USP12: variants seen among roughly 807,000 people sequenced by gnomAD.
USP12 encodes ubiquitin specific peptidase 12.
In USP12, 19 loss-of-function variants were observed where a neutral mutation model predicts 45.5. The ratio of observed to expected loss-of-function variants is 0.42; its 90% confidence interval spans 0.29 to 0.61. The LOEUF (loss-of-function observed/expected upper bound fraction) is 0.61. Ranked by LOEUF, USP12 falls within the 20% of genes least tolerant of loss-of-function variation. USP12 has a pLI of 0.22. For synonymous variants in USP12, 149 were observed against 148.8 expected (o/e 1.00, Z -0.01); for missense variants, 242 against 447.7 (o/e 0.54, Z 4.15).
intron 1 of USP12, among the ~76,000 whole-genome samples, chr13:27,119,911 G>A (rs193005751): frequency 5.3e-5 from 8 of 152,346 alleles, no homozygotes; most frequent in Admixed American, 5.2e-4. Flanking sequence ...TGCAGGAGAA[G>A]CATGCTTATT....
At chr13:27,072,103 C>CT (rs112073097) in intron 7 of USP12, among the ~76,000 whole-genome samples, 52 of 146,676 alleles carry the variant, frequency 3.5e-4, no homozygotes, top group Admixed American at 1.4e-3. Context: ...AACAAAAATA[C>CT]TTTTTTTTTT....
intron 1 of USP12, among the ~76,000 whole-genome samples, chr13:27,120,796 A>T (rs534124649): frequency 1.7e-4 from 26 of 152,232 alleles, no homozygotes; most frequent in Non-Finnish European, 3.2e-4. Context: ...AGAATTCATC[A>T]TGAAGAAGTA....
At chr13:27,154,417 T>C (rs781751943) in intron 1 of USP12, among the ~76,000 whole-genome samples, 1 of 152,222 alleles carries the variant, frequency 6.6e-6, no homozygotes, top group Non-Finnish European at 1.5e-5. Context: ...ACTGCATCTT[T>C]ACTTTTCTCC....
intron 1 of USP12, among the ~76,000 whole-genome samples, chr13:27,166,342 C>G (rs1046799753): frequency 2.0e-5 from 3 of 152,150 alleles, no homozygotes; most frequent in African/African-American, 4.8e-5. Flanking sequence ...TTAAAAGATA[C>G]TTCCTGAGAC....
chr13:27,077,661 A>G (rs1593171645), intron 6 of USP12: 2 of 152,252 alleles, frequency 1.3e-5, no homozygotes, highest in Admixed American at 1.3e-4. Context: ...AGACTAGCTT[A>G]CAAAATTTCC....
At chr13:27,099,226 G>C (rs769528413) in intron 3 of USP12, among the ~76,000 whole-genome samples, 1 of 152,146 alleles carries the variant, frequency 6.6e-6, no homozygotes, top group African/African-American at 2.4e-5. Context: ...GAAACTTCTA[G>C]GTTTGTTTGG....
At chr13:27,092,133 T>G (rs760688929) in intron 4 of USP12, among the ~76,000 whole-genome samples, 3 of 152,130 alleles carry the variant, frequency 2.0e-5, no homozygotes, top group Non-Finnish European at 4.4e-5. Context: ...CCCCCCAAAA[T>G]GAATACTTAA....
Position 27,145,752 on chromosome 13 carries a change from T to C in USP12, c.48+25840A>G, listed in dbSNP as rs150427028. On this transcript the variant is annotated intron_variant, in intron 1 of 8. Transcript: ENST00000282344. ...TTATCAACAAAAGTCTGTAACTCTA[T>C]ACCACAAAATTTTGTTATCAATAGA... Among the ~76,000 whole-genome samples the C allele has an allele frequency of 1.3e-4, 20 of 152,228 alleles. No homozygotes were observed. The East Asian group carries it at 3.9e-3, about 29-fold the overall frequency.
At chr13:27,100,219 C>T (rs116919580) in intron 3 of USP12, among the ~76,000 whole-genome samples, 34 of 152,258 alleles carry the variant, frequency 2.2e-4, no homozygotes, top group Non-Finnish European at 4.4e-4. Flanking sequence ...AATAATCCTC[C>T]GTCCCTGAAA....
chr13:27,143,514 A>C (rs1442787337), intron 1 of USP12, among the ~76,000 whole-genome samples: 1 of 152,242 alleles, frequency 6.6e-6, no homozygotes, highest in Non-Finnish European at 1.5e-5. Flanking sequence ...AATAACTGTA[A>C]GTGCCCTAAT....
At chr13:27,137,992 TA>T (rs1876886021) in intron 1 of USP12, among the ~76,000 whole-genome samples, 1 of 152,208 alleles carries the variant, frequency 6.6e-6, no homozygotes, top group Non-Finnish European at 1.5e-5. Context: ...CACTTAGTCT[TA>T]ACAGCTGCAA....
chr13:27,123,287 A>C (rs1019589859), intron 1 of USP12, among the ~76,000 whole-genome samples: 3 of 152,192 alleles, frequency 2.0e-5, no homozygotes, highest in Non-Finnish European at 4.4e-5. Flanking sequence ...CAGTTTCCTC[A>C]GATGTAAAAC....
At chr13:27,134,162 T>C (rs1194250508) in intron 1 of USP12, among the ~76,000 whole-genome samples, 1 of 152,126 alleles carries the variant, frequency 6.6e-6, no homozygotes, top group Non-Finnish European at 1.5e-5. Flanking sequence ...GTTTAATTAG[T>C]CACACATTAT....
intron 3 of USP12, among the ~76,000 whole-genome samples, chr13:27,096,541 T>C (rs1565988042): frequency 1.3e-5 from 2 of 152,176 alleles, no homozygotes; most frequent in East Asian, 1.9e-4. Context: ...AACTCTACCA[T>C]AGAACAGTAA....
At chr13:27,152,952 A>G (rs1414924418) in intron 1 of USP12, among the ~76,000 whole-genome samples, 1 of 151,468 alleles carries the variant, frequency 6.6e-6, no homozygotes, top group African/African-American at 2.4e-5. Flanking sequence ...AAAAAAAAAA[A>G]AAAAAAAGAA....
chr13:27,136,073 T>C (rs1876790108), intron 1 of USP12, among the ~76,000 whole-genome samples: 1 of 152,172 alleles, frequency 6.6e-6, no homozygotes, highest in East Asian at 1.9e-4. Context: ...GTTAGGTGAT[T>C]ACAATAAAGT....
At chr13:27,171,067 C>T (rs1878577324) in intron 1 of USP12, among the ~76,000 whole-genome samples, 1 of 150,026 alleles carries the variant, frequency 6.7e-6, no homozygotes, top group Non-Finnish European at 1.5e-5. Flanking sequence ...CCGGCCGAGA[C>T]CCTTCCTTCC....
chr13:27,137,561 C>G (rs1876861231), intron 1 of USP12, among the ~76,000 whole-genome samples: 1 of 152,096 alleles, frequency 6.6e-6, no homozygotes, highest in African/African-American at 2.4e-5. Flanking sequence ...CTAGATTTCA[C>G]AAAAATAATC....
At chr13:27,069,670 G>A (rs1235480331) in intron 8 of USP12, among the ~76,000 whole-genome samples, 1 of 152,158 alleles carries the variant, frequency 6.6e-6, no homozygotes, top group Non-Finnish European at 1.5e-5. Context: ...CTTCTAGGCT[G>A]GGCACACTGA....
Sources: gnomAD v4.1 joint callset for allele counts (sites outside exome capture counted in the v4.1 genomes callset) on GRCh38, gnomAD v4.1.1 for gene constraint, MANE v1.5 for transcripts, NCBI Gene and HGNC (gene_info 2026-07-23, HGNC 2026-07-21) for gene names.